The following RPGRIP1L variants were observed in gnomAD, a reference collection of about 807,000 sequenced individuals.
The protein encoded by RPGRIP1L is RPGRIP1 like.
RPGRIP1L carries 131 observed loss-of-function variants against 160.4 expected under a neutral mutation model. The observed-to-expected ratio is 0.82, with a 90% confidence interval of 0.71 to 0.94. The LOEUF is 0.94. Ranked by LOEUF, RPGRIP1L falls within the 40% of genes least tolerant of loss-of-function variation. The probability of loss-of-function intolerance (pLI) is 0.00; values close to 1 mark genes in which losing one functional copy is unlikely to be tolerated. For synonymous variants in RPGRIP1L, 510 were observed against 515.8 expected, an observed-to-expected ratio of 0.99 and a Z score of 0.15; for missense variants, 1,522 against 1,535.8, an observed-to-expected ratio of 0.99 and a Z score of 0.15.
At chr16:53,631,142 A>C (rs1965491971) in intron 22 of RPGRIP1L, among the ~76,000 whole-genome samples, 1 of 152,160 alleles carries the variant, frequency 6.6e-6, no homozygotes, top group Non-Finnish European at 1.5e-5. Flanking sequence ...TTGATTCCTA[A>C]GTGATTTAAT....
At chr16:53,614,685 T>A (rs1020599069) in intron 24 of RPGRIP1L, among the ~76,000 whole-genome samples, 1 of 152,182 alleles carries the variant, frequency 6.6e-6, no homozygotes, top group African/African-American at 2.4e-5. Context: ...AAACTCACAA[T>A]TTCAAAACTT....
chr16:53,614,634 C>T (rs1964244534), intron 24 of RPGRIP1L, among the ~76,000 whole-genome samples: 1 of 152,088 alleles, frequency 6.6e-6, no homozygotes, highest in African/African-American at 2.4e-5. Context: ...CTATGACTAA[C>T]CATGGTTCAT....
chr16:53,700,623 T>C lies in RPGRIP1L; in HGVS notation c.85+16A>G. On this transcript the variant is annotated intron_variant, in intron 2 of 26. Coordinates refer to ENST00000647211, the MANE Select transcript of RPGRIP1L (RefSeq NM_015272.5). ...GATCAAAGTTCATAACTGTAATAAA[T>C]AACAGCTGGCCATACCTTGTAACCC... The C allele has an allele frequency of 6.3e-7, 1 of 1,593,356 alleles. No individual in the cohort carries two copies. The highest frequency in any genetic ancestry group is 2.2e-5 in the East Asian group (1 of 44,782).
chr16:53,657,459 A>G lies in RPGRIP1L; in HGVS notation c.1575T>C (p.Asp525=). 1 of 1,604,932 alleles carries G rather than the reference A, an allele frequency of 6.2e-7. No individual in the cohort carries two copies. The highest frequency in any genetic ancestry group is 8.5e-7 in the Non-Finnish European group (1 of 1,172,812). The change falls in exon 13 of 27, where the codon GAT becomes GAC. Residue 525 remains aspartate (D), a synonymous_variant. Coordinates refer to ENST00000647211, the MANE Select transcript of RPGRIP1L (RefSeq NM_015272.5). ...ATTTAGTGTATTACATTACCTGATAATCTTTATTAATTTTGTGTTGCATAA... is the reference window on the plus strand; with the variant it reads ...ATTTAGTGTATTACATTACCTGATAGTCTTTATTAATTTTGTGTTGCATAA... ...MLIMQHKINK[D]YQMEVEAVTR...
chr16:53,651,644 C>A (rs1966854582), intron 15 of RPGRIP1L, among the ~76,000 whole-genome samples: 1 of 152,122 alleles, frequency 6.6e-6, no homozygotes, highest in South Asian at 2.1e-4. Flanking sequence ...TGGCATGGAT[C>A]TTCATTCTTT....
intron 3 of RPGRIP1L, 177 bp downstream of exon 3, chr16:53,695,974 C>A: frequency 1.6e-6 from 1 of 606,970 alleles, no homozygotes; most frequent in Non-Finnish European, 2.9e-6. Flanking sequence ...CACTCATAAT[C>A]TTTTTGGTTT....
intron 9 of RPGRIP1L, among the ~76,000 whole-genome samples, chr16:53,666,237 T>C (rs1371243064): frequency 1.3e-5 from 2 of 152,286 alleles, no homozygotes; most frequent in East Asian, 3.9e-4. Flanking sequence ...TTGAATATTT[T>C]ACTGCCTTTA....
In RPGRIP1L at chr16:53,636,470, A is replaced by G. The variant is rs1185071339; in HGVS notation, c.3263T>C (p.Ile1088Thr). The G allele has an allele frequency of 6.2e-7, 1 of 1,612,606 alleles. No homozygotes were observed. Among genetic ancestry groups the G allele is most frequent in the Non-Finnish European group, 8.5e-7 (1 of 1,178,816 alleles). The change falls in exon 22 of 27, where the codon ATT (isoleucine) becomes ACT (threonine). Residue 1088 changes from isoleucine (I) to threonine (T), a missense_variant. Ile to Thr is a moderately conservative substitution (Grantham distance 89). Transcript: ENST00000647211. ...GATATTCTTGGAGATAGGACCTGGA[A>G]TAATACAGTCATCACTGTCAGAAGC... ...MSASDSDDCI[I>T]PGPISKNIKQ... is the part of the protein sequence containing the mutation.
At chr16:53,675,381 C>T (rs1339251471) in intron 6 of RPGRIP1L, among the ~76,000 whole-genome samples, 1 of 152,104 alleles carries the variant, frequency 6.6e-6, no homozygotes, top group Non-Finnish European at 1.5e-5. Flanking sequence ...ATGACTATGT[C>T]ACCTCTACAA....
chr16:53,647,981 T>G (rs1168790817), intron 16 of RPGRIP1L, among the ~76,000 whole-genome samples: 1 of 151,658 alleles, frequency 6.6e-6, no homozygotes, highest in Admixed American at 6.6e-5. Context: ...GGCAGGTGCC[T>G]GTAGCCTCAG....
Position 53,636,664 on chromosome 16 carries a change from A to G in RPGRIP1L, c.3221-152T>C, listed in dbSNP as rs1965855066. ...CTTTTTTAGTAGCAAATTTGTTTAC[A>G]GACACATTACATTTTAGGGAAAAAA... On this transcript the variant is annotated intron_variant, in intron 21 of 26. Coordinates refer to ENST00000647211, the MANE Select transcript of RPGRIP1L (RefSeq NM_015272.5). The G allele has an allele frequency of 2.0e-5, 11 of 563,106 alleles. 1 individual carries two copies. In the South Asian group the frequency reaches 3.0e-4, roughly 15 times the overall value. 34.9% of individuals were successfully genotyped at this position (563,106 alleles called of 1,614,324 possible). A position where few individuals can be genotyped will look rare whatever the true frequency, so the allele number is the denominator to read the frequency against.
At chr16:53,655,449 T>C (rs1967170763) in intron 14 of RPGRIP1L, 2 of 152,200 alleles carry the variant, frequency 1.3e-5, no homozygotes, top group Admixed American at 6.5e-5. Context: ...ACTGCTGGCA[T>C]AGACCACTGA....
chr16:53,672,272 T>C (rs889034584), intron 8 of RPGRIP1L, among the ~76,000 whole-genome samples: 7 of 152,174 alleles, frequency 4.6e-5, no homozygotes. Context: ...TGGATCAGAT[T>C]ACTCTTTATT....
chr16:53,654,941 C>G (rs534357868), intron 14 of RPGRIP1L, among the ~76,000 whole-genome samples: 1 of 152,194 alleles, frequency 6.6e-6, no homozygotes, highest in Non-Finnish European at 1.5e-5. Flanking sequence ...CTCTTCTGCC[C>G]AGATCAGAGT....
chr16:53,616,787 C>T (rs1233319695), intron 24 of RPGRIP1L, among the ~76,000 whole-genome samples: 1 of 151,840 alleles, frequency 6.6e-6, no homozygotes, highest in Non-Finnish European at 1.5e-5. Context: ...AAATGCACAA[C>T]CAGGCTGGGC....
At chr16:53,609,141 TACAGTGGCACA>T (rs1963868022) in intron 25 of RPGRIP1L, among the ~76,000 whole-genome samples, 3 of 152,154 alleles carry the variant, frequency 2.0e-5, no homozygotes, top group Non-Finnish European at 4.4e-5. Flanking sequence ...CAGGTTGGAG[TACAGTGGCACA>T]ACCATTGCTC....
chr16:53,672,942 C>A lies in RPGRIP1L; in HGVS notation c.957G>T (p.Glu319Asp), dbSNP rs1968866974. Residue 319 changes from glutamate to aspartate, a missense_variant, in exon 8 of 27, where the codon GAG becomes GAT. Physicochemically the swap from Glu to Asp is conservative, Grantham distance 45 (BLOSUM62 2). Transcript: ENST00000647211. ...CAAGACTGCAGCATTTTAAACGCTGCTCTTTAAGTTGCATGTTTAATTCAT... is the reference window on the plus strand; with the variant it reads ...CAAGACTGCAGCATTTTAAACGCTGATCTTTAAGTTGCATGTTTAATTCAT... ...NGDELNMQLK[E>D]QRLKCCSLEK... 1.2e-6 allele frequency: 2 copies of A among 1,613,028 alleles called. No individual in the cohort carries two copies. The highest frequency in any genetic ancestry group is 1.7e-5 in the Admixed American group (1 of 59,960).
chr16:53,692,212 G>T lies in RPGRIP1L; in HGVS notation c.383C>A (p.Thr128Asn), dbSNP rs759004632. 2 of 1,613,948 alleles carry T rather than the reference G, an allele frequency of 1.2e-6. No homozygotes were observed. The highest frequency in any genetic ancestry group is 2.2e-5 in the East Asian group (1 of 44,872). Residue 128 changes from threonine to asparagine, a missense_variant, in exon 4 of 27, where the codon ACC becomes AAC. Physicochemically the swap from Thr to Asn is moderately conservative, Grantham distance 65. Coordinates refer to ENST00000647211, the MANE Select transcript of RPGRIP1L (RefSeq NM_015272.5). ...KVHELEKQNE[T>N]LKNRLISAKQ... Reference sequence around the variant, plus strand: ...GGCTGAAATCAGTCTGTTTTTGAGGGTTTCATTTTGTTTTTCAAGCTCATG... The same window carrying T: ...GGCTGAAATCAGTCTGTTTTTGAGGTTTTCATTTTGTTTTTCAAGCTCATG...
intron 4 of RPGRIP1L, among the ~76,000 whole-genome samples, chr16:53,690,495 C>T (rs1296445488): frequency 2.0e-5 from 3 of 152,160 alleles, no homozygotes; most frequent in African/African-American, 7.2e-5. Flanking sequence ...TGCGCCCAGC[C>T]TAGACTCACT....
Sources: allele counts gnomAD v4.1 joint callset (sites outside exome capture counted in the v4.1 genomes callset), GRCh38; gene constraint gnomAD v4.1.1; transcripts MANE v1.5; gene names NCBI Gene and HGNC (gene_info 2026-07-23, HGNC 2026-07-21).